The following RAD54B variants were observed in gnomAD, a reference collection of about 807,000 sequenced individuals.
RAD54B encodes DNA repair and recombination protein RAD54B.
In RAD54B, 78 loss-of-function variants were observed where a neutral mutation model predicts 95.8. The ratio of observed to expected loss-of-function variants is 0.81; its 90% confidence interval spans 0.68 to 0.98. RAD54B has a LOEUF of 0.98. Ranked by LOEUF, RAD54B falls within the 50% of genes least tolerant of loss-of-function variation. The pLI is 0.00. For synonymous variants in RAD54B, 328 were observed against 354.9 expected, an observed-to-expected ratio of 0.92 and a Z score of 0.85; for missense variants, 957 against 1,056.6, an observed-to-expected ratio of 0.91 and a Z score of 1.31.
chr8:94,459,429 G>A (rs556210439), intron 2 of RAD54B, among the ~76,000 whole-genome samples: 1 of 151,834 alleles, frequency 6.6e-6, no homozygotes, highest in East Asian at 2.0e-4. Flanking sequence ...AAGATTACAG[G>A]GGTGAGCCAC....
chr8:94,432,558 T>C, intron 3 of RAD54B: 1 of 1,550,470 alleles, frequency 6.4e-7, no homozygotes, highest in Non-Finnish European at 8.7e-7. Flanking sequence ...TTTAATGTCT[T>C]CTTCTTGCTT....
chr8:94,474,803 A>T (rs934020733), intron 1 of RAD54B, among the ~76,000 whole-genome samples, 198 bp downstream of exon 1: 1 of 152,150 alleles, frequency 6.6e-6, no homozygotes, highest in African/African-American at 2.4e-5. Flanking sequence ...CCTTCGCTCC[A>T]AGGCCCCCGG....
At chr8:94,443,685 CCT>C (rs1812453676) in intron 3 of RAD54B, among the ~76,000 whole-genome samples, 1 of 151,914 alleles carries the variant, frequency 6.6e-6, no homozygotes, top group South Asian at 2.1e-4. Flanking sequence ...TGTCTCACTG[CCT>C]CTCTTACCTT....
chr8:94,437,327 G>C (rs1029662631), intron 3 of RAD54B, among the ~76,000 whole-genome samples: 4 of 152,188 alleles, frequency 2.6e-5, no homozygotes, highest in Non-Finnish European at 5.9e-5. Context: ...AAATCCAGTA[G>C]ACAGAAAACT....
chr8:94,456,751 T>C (rs538354795), intron 3 of RAD54B, among the ~76,000 whole-genome samples: 2 of 152,324 alleles, frequency 1.3e-5, no homozygotes, highest in African/African-American at 4.8e-5. Context: ...GGTGAGTGGA[T>C]ACTAAACAGG....
intron 2 of RAD54B, among the ~76,000 whole-genome samples, chr8:94,460,617 A>G (rs1181991431): frequency 6.6e-6 from 1 of 152,178 alleles, no homozygotes; most frequent in East Asian, 1.9e-4. Context: ...ATTACCAGAA[A>G]TTTGGTGGCA....
chr8:94,399,772 C>G, intron 7 of RAD54B, 151 bp from the exon 8 acceptor site: 1 of 1,089,894 alleles, frequency 9.2e-7, no homozygotes, highest in Non-Finnish European at 1.3e-6. Flanking sequence ...AACAAAATAC[C>G]ATAGATTGGG....
intron 3 of RAD54B, among the ~76,000 whole-genome samples, chr8:94,455,636 A>C (rs1276991645): frequency 6.6e-6 from 1 of 152,234 alleles, no homozygotes; most frequent in Non-Finnish European, 1.5e-5. Context: ...GGCTTTAAAC[A>C]ACAGAATTTA....
chr8:94,422,752 T>TTATATATATATATATATA (rs369490267), intron 3 of RAD54B, among the ~76,000 whole-genome samples: 14 of 125,406 alleles, frequency 1.1e-4, no homozygotes, highest in African/African-American at 4.1e-4. Context: ...CCACAAAAAA[T>TTATATATATATATATATA]TATATATATA....
intron 6 of RAD54B, among the ~76,000 whole-genome samples, chr8:94,400,999 C>T (rs1178794790): frequency 6.6e-6 from 1 of 152,080 alleles, no homozygotes; most frequent in Non-Finnish European, 1.5e-5. Flanking sequence ...TGTTATCCTA[C>T]AGACCTACTG....
At chr8:94,474,569 G>A (rs1410959412) in intron 1 of RAD54B, among the ~76,000 whole-genome samples, 1 of 151,872 alleles carries the variant, frequency 6.6e-6, no homozygotes, top group Non-Finnish European at 1.5e-5. Context: ...CCTGACCAGT[G>A]AAGAGGTAAA....
intron 11 of RAD54B, among the ~76,000 whole-genome samples, chr8:94,380,937 A>G (rs1239738020): frequency 1.3e-4 from 20 of 152,290 alleles, no homozygotes; most frequent in Admixed American, 1.2e-3. Flanking sequence ...TTCTTTCCCA[A>G]ATAAAGTATT....
chr8:94,400,398 A>C lies in RAD54B; in HGVS notation c.1010T>G (p.Ile337Ser), dbSNP rs1811242889. ...ACACTGCAGGGTCCAGATGAGCGAA[A>C]TACATTGCAATGTCTTCCCTAAACC... ...EMGLGKTLQC[I>S]SLIWTLQCQG... The change falls in exon 7 of 15, where the codon ATT (isoleucine) becomes AGT (serine). Residue 337 changes from isoleucine (I) to serine (S), a missense_variant. By Grantham distance (142) the Ile-to-Ser change is moderately radical. Coordinates refer to ENST00000336148, the MANE Select transcript of RAD54B (RefSeq NM_012415.3). 1.2e-6 allele frequency: 2 copies of C among 1,613,738 alleles called. No homozygotes were observed. Among genetic ancestry groups the C allele is most frequent in the Non-Finnish European group, 1.7e-6 (2 of 1,179,876 alleles).
At position 94,458,329 on chromosome 8, in the gene RAD54B, A is replaced by G. The variant is rs775921130; in HGVS notation, c.243T>C (p.Asn81=). The G allele has an allele frequency of 6.2e-6, 10 of 1,610,662 alleles. No individual in the cohort carries two copies. The highest frequency in any genetic ancestry group is 4.5e-5 in the East Asian group (2 of 44,660). ...ESTREINNRD[N]CSGKYCFEAP... ...CTTCAAAACAATATTTTCCACTGCA[A>G]TTATCTCTGTTATTGATTTCTCTAG... Residue 81 remains asparagine, a synonymous_variant, in exon 3 of 15, where the codon AAT becomes AAC. Transcript: ENST00000336148.
chr8:94,385,629 G>C (rs1009071574), intron 11 of RAD54B, among the ~76,000 whole-genome samples: 4 of 152,106 alleles, frequency 2.6e-5, no homozygotes, highest in Admixed American at 6.6e-5. Context: ...TGTAGAAAAG[G>C]GGTCTCACTC....
At chr8:94,432,133 A>AG (rs1812114324) in intron 3 of RAD54B, 5 of 1,520,628 alleles carry the variant, frequency 3.3e-6, no homozygotes, top group Non-Finnish European at 4.4e-6. Context: ...AAAAAAACTT[A>AG]GAGACTGTTA....
intron 2 of RAD54B, among the ~76,000 whole-genome samples, chr8:94,463,893 CAAAAAAAAAAAA>C (rs553168595): frequency 4.4e-5 from 4 of 90,976 alleles, no homozygotes; most frequent in Admixed American, 1.2e-4. Flanking sequence ...GACCCTATCT[CAAAAAAAAAAAA>C]AAAAAAAAGA....
intron 3 of RAD54B, among the ~76,000 whole-genome samples, chr8:94,425,937 A>G (rs879706): frequency 6.6e-6 from 1 of 152,036 alleles, no homozygotes; most frequent in African/African-American, 2.4e-5. Context: ...CATTCCAGTC[A>G]CTGAACATGC....
chr8:94,400,182 A>T (rs1052410757), intron 7 of RAD54B, 56 bp downstream of exon 7: 68 of 1,468,246 alleles, frequency 4.6e-5, no homozygotes, highest in Non-Finnish European at 6.2e-5. Flanking sequence ...TGAATTACTG[A>T]TTTGAAAAAC....
Sources: allele counts gnomAD v4.1 joint callset (sites outside exome capture counted in the v4.1 genomes callset), GRCh38; gene constraint gnomAD v4.1.1; transcripts MANE v1.5; gene names NCBI Gene and HGNC (gene_info 2026-07-23, HGNC 2026-07-21).